Variants in EPHA5 observed in about 807,000 individuals in gnomAD.
The protein encoded by EPHA5 is ephrin type-A receptor 5.
In EPHA5, 60 loss-of-function variants were observed where a neutral mutation model predicts 105.0. The observed-to-expected ratio is 0.57, with a 90% CI of 0.46 to 0.71. EPHA5 has a LOEUF of 0.71. Ranked by LOEUF, EPHA5 falls within the 30% of genes least tolerant of loss-of-function variation. EPHA5 has a pLI of 0.00. For synonymous variants in EPHA5, 513 were observed against 449.1 expected, an observed-to-expected ratio of 1.14 and a Z score of -1.80; for missense variants, 1,218 against 1,274.7, an observed-to-expected ratio of 0.96 and a Z score of 0.68.
At chr4:65,523,648 G>GA (rs761316535) in intron 3 of EPHA5, among the ~76,000 whole-genome samples, 4 of 151,908 alleles carry the variant, frequency 2.6e-5, no homozygotes, top group Non-Finnish European at 5.9e-5. Flanking sequence ...TCACATATCA[G>GA]AAACCAGGAA....
At chr4:65,350,772 T>C (rs1434686066) in intron 13 of EPHA5, among the ~76,000 whole-genome samples, 1 of 152,016 alleles carries the variant, frequency 6.6e-6, no homozygotes, top group African/African-American at 2.4e-5. Flanking sequence ...AATATAACAA[T>C]ATGAGTTAGT....
At chr4:65,328,117 T>G (rs1046712922) in intron 16 of EPHA5, among the ~76,000 whole-genome samples, 1 of 151,136 alleles carries the variant, frequency 6.6e-6, no homozygotes, top group Admixed American at 6.6e-5. Flanking sequence ...ATCATGATCA[T>G]GCATAATCTT....
At chr4:65,540,146 T>G (rs1736677817) in intron 3 of EPHA5, among the ~76,000 whole-genome samples, 2 of 151,558 alleles carry the variant, frequency 1.3e-5, no homozygotes, top group Admixed American at 6.6e-5. Context: ...ATAAATGTCA[T>G]AAACAAACTA....
At chr4:65,550,332 C>T (rs1407226751) in intron 3 of EPHA5, among the ~76,000 whole-genome samples, 1 of 151,866 alleles carries the variant, frequency 6.6e-6, no homozygotes, top group South Asian at 2.1e-4. Context: ...ATATGTTGAA[C>T]CATTACAAAT....
At chr4:65,478,840 T>C (rs1730084371) in intron 5 of EPHA5, among the ~76,000 whole-genome samples, 1 of 152,176 alleles carries the variant, frequency 6.6e-6, no homozygotes, top group Admixed American at 6.5e-5. Context: ...TAGAAGAACT[T>C]CAAGATTAAT....
intron 7 of EPHA5, among the ~76,000 whole-genome samples, 166 bp from the exon 8 acceptor site, chr4:65,404,645 A>T (rs151189862): frequency 6.6e-6 from 1 of 152,216 alleles, no homozygotes; most frequent in Non-Finnish European, 1.5e-5. Flanking sequence ...TTGAAAAGTC[A>T]TCTATAATAG....
chr4:65,335,969 G>C lies in EPHA5; in HGVS notation c.2752C>G (p.Pro918Ala), dbSNP rs769726036. 8 of 1,612,424 alleles carry C rather than the reference G, an allele frequency of 5.0e-6. No individual in the cohort carries two copies. Among genetic ancestry groups the C allele is most frequent in the Non-Finnish European group, 6.8e-6 (8 of 1,179,104 alleles). The part of the protein sequence containing the change: ...VNMLDKLIRN[P>A]SSLKTLVNAS... ...TTAACCAGCGTCTTCAGACTACTTG[G>C]GTTACGTATCAGCTTGTCCAACATG... Residue 918 changes from proline to alanine, a missense_variant, in exon 15 of 17, where the codon CCA becomes GCA. Coordinates refer to ENST00000613740, the MANE Select transcript of EPHA5 (RefSeq NM_001281766.3).
chr4:65,507,188 A>G (rs141392718), intron 3 of EPHA5, among the ~76,000 whole-genome samples: 7,089 of 152,036 alleles, frequency 0.047, 280 homozygotes, highest in African/African-American at 0.1. Flanking sequence ...GATATGTGGC[A>G]TTATTTCTGA....
intron 11 of EPHA5, among the ~76,000 whole-genome samples, chr4:65,356,560 C>A (rs1341331514): frequency 1.3e-5 from 2 of 151,386 alleles, no homozygotes; most frequent in African/African-American, 4.8e-5. Context: ...TTTTAAAAGC[C>A]AGATTAATTA....
intron 2 of EPHA5, among the ~76,000 whole-genome samples, chr4:65,630,745 G>A (rs756131171): frequency 1.3e-4 from 20 of 152,094 alleles, no homozygotes; most frequent in Admixed American, 3.9e-4. Context: ...CAGATTCGCC[G>A]CTGGTAACAG....
rs575608289 is a variant in EPHA5, at chr4:65,418,862, C to CTTTTTTTTTTTTTTTTTTTTTT, written c.1527+1557_1527+1578dup. Among the ~76,000 whole-genome samples, 52 of 47,074 alleles carry CTTTTTTTTTTTTTTTTTTTTTT rather than the reference C, an allele frequency of 1.1e-3. 9 individuals are homozygous for CTTTTTTTTTTTTTTTTTTTTTT. The highest frequency in any genetic ancestry group is 1.4e-3 in the African/African-American group (13 of 9,088). The allele number at this position is 47,074 out of a possible 152,430, so 30.9% of individuals were successfully genotyped here. On this transcript the variant is annotated intron_variant, in intron 6 of 16. Coordinates refer to ENST00000613740, the MANE Select transcript of EPHA5 (RefSeq NM_001281766.3). ...AACATTCAATACACTTACCTAAACT[C>CTTTTTTTTTTTTTTTTTTTTTT]TTTTTTTTTTTTTTTTTTTTTTTTT...
chr4:65,514,837 G>A (rs1390862095), intron 3 of EPHA5, among the ~76,000 whole-genome samples: 1 of 151,882 alleles, frequency 6.6e-6, no homozygotes. Flanking sequence ...ATAATTCTTG[G>A]TAATTAAAGT....
At chr4:65,344,730 G>T (rs1308601108) in intron 14 of EPHA5, among the ~76,000 whole-genome samples, 1 of 152,162 alleles carries the variant, frequency 6.6e-6, no homozygotes, top group East Asian at 1.9e-4. Flanking sequence ...GTGTTCTGCA[G>T]GGCCTGTTAA....
intron 16 of EPHA5, among the ~76,000 whole-genome samples, chr4:65,324,742 C>CTTTTTT (rs368440921): frequency 7.6e-6 from 1 of 131,362 alleles, no homozygotes; most frequent in African/African-American, 2.8e-5. Flanking sequence ...CAATGTTTTA[C>CTTTTTT]TTTTTTTTTT....
At position 65,490,731 on chromosome 4, in the gene EPHA5, T is replaced by C; in HGVS notation, c.1067-19A>G. 2 of 1,605,360 alleles carry C rather than the reference T, an allele frequency of 1.2e-6. No individual in the cohort carries two copies. The highest frequency in any genetic ancestry group is 1.1e-5 in the South Asian group (1 of 90,506). The stretch of plus-strand genomic sequence containing the variant: ...GGGGGTCCTGGTTTACAAAGTAAAG[T>C]AAGAAAAACATATTTTAAGATGGTA... On this transcript the variant is annotated intron_variant, in intron 4 of 16. Transcript: ENST00000613740.
chr4:65,530,834 C>T (rs1210671887), intron 3 of EPHA5, among the ~76,000 whole-genome samples: 1 of 152,210 alleles, frequency 6.6e-6, no homozygotes, highest in East Asian at 1.9e-4. Flanking sequence ...GGAACAGAAT[C>T]TCTATATTGG....
At chr4:65,512,924 G>GAA (rs57064190) in intron 3 of EPHA5, among the ~76,000 whole-genome samples, 14 of 146,376 alleles carry the variant, frequency 9.6e-5, no homozygotes, top group African/African-American at 3.0e-4. Flanking sequence ...GCAAAATCTG[G>GAA]AAAAAAAAAA....
At chr4:65,404,526 T>C (rs191966151) in intron 7 of EPHA5, 47 bp from the exon 8 acceptor site, 1 of 1,539,256 alleles carries the variant, frequency 6.5e-7, no homozygotes, top group African/African-American at 1.4e-5. Flanking sequence ...AGTGATCACA[T>C]GCATTCAAAA....
At chr4:65,622,627 G>A (rs903606828) in intron 2 of EPHA5, among the ~76,000 whole-genome samples, 1 of 151,884 alleles carries the variant, frequency 6.6e-6, no homozygotes, top group Non-Finnish European at 1.5e-5. Flanking sequence ...GCCAATTTTT[G>A]GTATTATAAT....
Sources: allele counts gnomAD v4.1 joint callset (sites outside exome capture counted in the v4.1 genomes callset), GRCh38; gene constraint gnomAD v4.1.1; transcripts MANE v1.5; gene names NCBI Gene and HGNC (gene_info 2026-07-23, HGNC 2026-07-21).